Variants in MAP2 observed in about 807,000 individuals in gnomAD.
MAP2 encodes the protein microtubule associated protein 2.
Under a neutral mutation model 137.6 loss-of-function variants are expected in MAP2, and 14 were observed. That is an observed-to-expected ratio of 0.10 (90% CI 0.07 to 0.16). The LOEUF (loss-of-function observed/expected upper bound fraction) is 0.16. MAP2 is among the 10% of genes least tolerant of loss of function. MAP2 has a pLI of 1.00. For missense variants in MAP2, 2,088 were observed against 2,191.5 expected (o/e 0.95, Z 0.94); for synonymous variants, 786 against 782.3 (o/e 1.00, Z -0.08).
chr2:209,460,246 A>T (rs187514730), intron 1 of MAP2, among the ~76,000 whole-genome samples: 382 of 152,356 alleles, frequency 2.5e-3, no homozygotes, highest in Non-Finnish European at 3.8e-3. Flanking sequence ...AGATGAAGAA[A>T]TTGGCCATCG....
chr2:209,425,253 G>C (rs1692225583), intron 1 of MAP2, among the ~76,000 whole-genome samples: 1 of 152,194 alleles, frequency 6.6e-6, no homozygotes, highest in Non-Finnish European at 1.5e-5. Context: ...CAATTGCTGT[G>C]TGCCATCTGT....
chr2:209,654,149 A>G (rs952820505), intron 5 of MAP2, among the ~76,000 whole-genome samples: 1 of 152,260 alleles, frequency 6.6e-6, no homozygotes, highest in Non-Finnish European at 1.5e-5. Context: ...ATTCACAAGA[A>G]TACAACAAGG....
At position 209,719,164 on chromosome 2, in the gene MAP2, G is replaced by A. The variant is rs2300155; in HGVS notation, c.5074-6545G>A. ...AAGGTTAAAGGGAAGTCAGTTGAGT[G>A]CCACTGTTCACTCCCCCTTCTCAAA... On this transcript the variant is annotated intron_variant, in intron 13 of 15. Transcript: ENST00000682079. 0.017 allele frequency among the ~76,000 whole-genome samples: 2,593 copies of A among 152,262 alleles called. 161 individuals carry two copies. The East Asian group carries it at 0.21, about 13-fold the overall frequency.
intron 1 of MAP2, among the ~76,000 whole-genome samples, chr2:209,428,378 T>G (rs1206185284): frequency 7.1e-6 from 1 of 140,104 alleles, no homozygotes; most frequent in African/African-American, 2.9e-5. Flanking sequence ...AGGGGGCAAA[T>G]TTCTTTTTTT....
chr2:209,568,744 G>A (rs557025553), intron 2 of MAP2, among the ~76,000 whole-genome samples: 1 of 151,902 alleles, frequency 6.6e-6, no homozygotes, highest in South Asian at 2.1e-4. Context: ...CCCCACTTGT[G>A]GAGAATTTGA....
intron 7 of MAP2, among the ~76,000 whole-genome samples, chr2:209,681,538 G>C (rs568549666): frequency 6.6e-6 from 1 of 152,130 alleles, no homozygotes; most frequent in African/African-American, 2.4e-5. Flanking sequence ...GAGATGAAAG[G>C]CACTACTTAA....
chr2:209,696,398 T>C, intron 8 of MAP2, 48 bp downstream of exon 8: 3 of 1,517,466 alleles, frequency 2.0e-6, no homozygotes, highest in Non-Finnish European at 2.6e-6. Context: ...AATAACCTTA[T>C]GGGAATTTTT....
In MAP2 at chr2:209,696,611, C is replaced by A; in HGVS notation, c.4250C>A (p.Ala1417Asp). ...AAAGAGGAGAAAGCTGAAAAGGAAG[C>A]TCGGAGATCATCTCTTGAGAAACAT... ...IPKEEKAEKE[A>D]RRSSLEKHRK... The change falls in exon 9 of 16, where the codon GCT becomes GAT. Residue 1417 changes from alanine (A) to aspartate (D), a missense_variant. By Grantham distance (126) the Ala-to-Asp change is moderately radical. Coordinates refer to ENST00000682079, the MANE Select transcript of MAP2 (RefSeq NM_001375505.1). The A allele has an allele frequency of 6.2e-7, 1 of 1,613,766 alleles. No individual in the cohort carries two copies.
At chr2:209,611,419 A>C (rs2086819433) in intron 3 of MAP2, among the ~76,000 whole-genome samples, 1 of 152,028 alleles carries the variant, frequency 6.6e-6, no homozygotes, top group South Asian at 2.1e-4. Context: ...GAAAAAACAA[A>C]TTTATACAAT....
intron 3 of MAP2, among the ~76,000 whole-genome samples, chr2:209,616,952 G>A (rs938516375): frequency 2.0e-5 from 3 of 152,176 alleles, no homozygotes; most frequent in African/African-American, 7.2e-5. Flanking sequence ...GACCCAGCAA[G>A]ACCTGTCTGT....
chr2:209,550,141 A>T (rs1386552602), intron 2 of MAP2, among the ~76,000 whole-genome samples: 1 of 152,206 alleles, frequency 6.6e-6, no homozygotes, highest in Non-Finnish European at 1.5e-5. Flanking sequence ...CTTGCATTTT[A>T]CATTAGAAAC....
chr2:209,691,051 T>C (rs1210459652), intron 7 of MAP2, among the ~76,000 whole-genome samples: 5 of 152,226 alleles, frequency 3.3e-5, no homozygotes, highest in Non-Finnish European at 7.3e-5. Context: ...TGCAGCTGAT[T>C]CCTGGTTTTC....
At chr2:209,635,375 A>G (rs906720790) in intron 4 of MAP2, among the ~76,000 whole-genome samples, 1 of 152,178 alleles carries the variant, frequency 6.6e-6, no homozygotes, top group Non-Finnish European at 1.5e-5. Context: ...CTGAAGAAGG[A>G]TATATGGCCT....
At chr2:209,424,695 G>A (rs959904852) in intron 1 of MAP2, among the ~76,000 whole-genome samples, 3 of 152,218 alleles carry the variant, frequency 2.0e-5, no homozygotes, top group African/African-American at 4.8e-5. Context: ...TCATCCAGCT[G>A]CAGAGAACTG....
chr2:209,578,627 C>T (rs1367307292), intron 2 of MAP2, among the ~76,000 whole-genome samples: 3 of 152,136 alleles, frequency 2.0e-5, no homozygotes, highest in African/African-American at 7.2e-5. Flanking sequence ...GCTAACAATG[C>T]TGTAAAAATT....
intron 2 of MAP2, among the ~76,000 whole-genome samples, chr2:209,523,805 G>A (rs1225829512): frequency 6.6e-6 from 1 of 152,086 alleles, no homozygotes; most frequent in African/African-American, 2.4e-5. Context: ...AGTGTTAAGT[G>A]CTTAGTGTTG....
At chr2:209,556,681 A>G (rs2070750172) in intron 2 of MAP2, among the ~76,000 whole-genome samples, 1 of 143,642 alleles carries the variant, frequency 7.0e-6, no homozygotes, top group Non-Finnish European at 1.5e-5. Flanking sequence ...AAAAAAAAAA[A>G]GGATTACACA....
At chr2:209,540,097 TAAAAAAAAAAAAA>T (rs35280709) in intron 2 of MAP2, among the ~76,000 whole-genome samples, 1 of 39,524 alleles carries the variant, frequency 2.5e-5, no homozygotes, top group Non-Finnish European at 5.2e-5. Context: ...GGAGACGTTG[TAAAAAAAAAAAAA>T]AAAAAAAAAA....
At chr2:209,447,470 G>A (rs981597656) in intron 1 of MAP2, among the ~76,000 whole-genome samples, 1 of 152,012 alleles carries the variant, frequency 6.6e-6, no homozygotes, top group Non-Finnish European at 1.5e-5. Context: ...CCAGGCTACT[G>A]AAATCTCCTT....
Sources: gnomAD v4.1 joint callset for allele counts (sites outside exome capture counted in the v4.1 genomes callset) on GRCh38, gnomAD v4.1.1 for gene constraint, MANE v1.5 for transcripts, NCBI Gene and HGNC (gene_info 2026-07-23, HGNC 2026-07-21) for gene names.